DYNC2H1: variants seen among roughly 807,000 people sequenced by gnomAD.
The protein encoded by DYNC2H1 is dynein cytoplasmic 2 heavy chain 1, also known as cytoplasmic dynein 2 heavy chain 1.
Under a neutral mutation model 570.0 loss-of-function variants are expected in DYNC2H1, and 410 were observed. The observed-to-expected ratio is 0.72, with a 90% CI of 0.66 to 0.78. DYNC2H1 has a LOEUF of 0.78. Among genes scored for constraint, DYNC2H1 ranks in the 30% least tolerant of loss-of-function variants. The probability of loss-of-function intolerance (pLI) is 0.00; values close to 1 mark genes in which losing one functional copy is unlikely to be tolerated. For synonymous variants in DYNC2H1, 1,688 were observed against 1,677.6 expected (o/e 1.01, Z -0.15); for missense variants, 4,865 against 5,046.4 (o/e 0.96, Z 1.09).
intron 82 of DYNC2H1, among the ~76,000 whole-genome samples, chr11:103,351,447 A>C (rs897924144): frequency 6.6e-6 from 1 of 152,194 alleles, no homozygotes; most frequent in African/African-American, 2.4e-5. Context: ...TTACATTGCA[A>C]AGGATGTGAT....
intron 84 of DYNC2H1, chr11:103,402,427 A>G (rs1236757555): frequency 1.3e-5 from 2 of 152,112 alleles, no homozygotes; most frequent in East Asian, 3.9e-4. Context: ...TCATTGGTAT[A>G]CAGTTAGTGT....
intron 61 of DYNC2H1, 65 bp downstream of exon 61, chr11:103,234,225 T>C (rs1864134808): frequency 6.7e-7 from 1 of 1,487,212 alleles, no homozygotes; most frequent in Non-Finnish European, 9.0e-7. Context: ...TAATGTAATG[T>C]ATGTTAAGAA....
Position 103,422,537 on chromosome 11 carries a change from A to G in DYNC2H1, c.12367-13406A>G, listed in dbSNP as rs552234094. Among the ~76,000 whole-genome samples, 13 of 152,298 alleles carry G rather than the reference A, an allele frequency of 8.5e-5. 1 individual carries two copies. The highest frequency in any genetic ancestry group is 2.6e-4 in the African/African-American group (11 of 41,574). ...CTGGGATGCAAGGTTTGTTCAACAT[A>G]TGCGAATCAATAGATGTGTTTCATT... On this transcript the variant is annotated intron_variant, in intron 84 of 88. Transcript: ENST00000375735.
At chr11:103,378,578 T>A (rs907753299) in intron 83 of DYNC2H1, among the ~76,000 whole-genome samples, 9 of 152,230 alleles carry the variant, frequency 5.9e-5, no homozygotes, top group Non-Finnish European at 1.0e-4. Flanking sequence ...AGAGATTGCT[T>A]ATAATGCTTA....
At position 103,189,945 on chromosome 11, in the gene DYNC2H1, G is replaced by C. The variant is rs1037183514; in HGVS notation, c.7437+129G>C. The C allele has an allele frequency of 4.5e-5, 42 of 939,984 alleles. No homozygotes were observed. The highest frequency in any genetic ancestry group is 6.3e-5 in the Non-Finnish European group (41 of 646,900). The allele number at this position is 939,984 out of a possible 1,614,324, so 58.2% of individuals were successfully genotyped here. ...GTTTATTAGACTTTTCTAGTAGAGA[G>C]TAACTGTGAAGACAGGTGCTGTGTG... On this transcript the variant is annotated intron_variant, in intron 45 of 88. Coordinates refer to ENST00000375735, the MANE Select transcript of DYNC2H1 (RefSeq NM_001377.3). The surrounding 1 kb of genome is among the most constrained non-coding windows in gnomAD (Gnocchi z 4.3).
rs977087651 is a variant in DYNC2H1 at position 103,170,057 on chromosome 11, T to C, written c.4969-51T>C. On this transcript the variant is annotated intron_variant, in intron 32 of 88. Transcript: ENST00000375735. The surrounding 1 kb of genome is among the most constrained non-coding windows in gnomAD (Gnocchi z 4.8). The stretch of plus-strand genomic sequence containing the variant: ...CAATCTCATGCTGTAAAAATATTTG[T>C]AAATGTTGAATAGAACATGAATACT... 7 of 1,406,700 alleles carry C rather than the reference T, an allele frequency of 5.0e-6. No individual in the cohort carries two copies. The African/African-American group carries it at 5.9e-5, about 12-fold the overall frequency. The allele number at this position is 1,406,700 out of a possible 1,614,324, so 87.1% of individuals were successfully genotyped here.
In DYNC2H1 at chr11:103,280,518, A is replaced by G; in HGVS notation, c.10761+105A>G. 1.0e-6 allele frequency: 1 copy of G among 1,003,660 alleles called. No individual in the cohort carries two copies. Among genetic ancestry groups the G allele is most frequent in the Admixed American group, 2.1e-5 (1 of 47,280 alleles). The allele number at this position is 1,003,660 out of a possible 1,614,324, so 62.2% of individuals were successfully genotyped here. A position where few individuals can be genotyped will look rare whatever the true frequency, so the allele number is the denominator to read the frequency against. On this transcript the variant is annotated intron_variant, in intron 71 of 88. Transcript: ENST00000375735. The surrounding 1 kb of genome is among the most constrained non-coding windows in gnomAD (Gnocchi z 4.7). ...TATTTAGGCTAGAAATTATATATCA[A>G]CCTATTAATCTTTTACTAAGTTAGA...
intron 87 of DYNC2H1, among the ~76,000 whole-genome samples, chr11:103,462,695 G>GAT (rs1159042218): frequency 2.0e-5 from 3 of 152,290 alleles, no homozygotes; most frequent in East Asian, 3.9e-4. Flanking sequence ...AGATGCTGTT[G>GAT]ATAGTTTCCA....
intron 19 of DYNC2H1, 115 bp from the exon 20 acceptor site, chr11:103,148,375 C>A: frequency 9.5e-7 from 1 of 1,049,082 alleles, no homozygotes; most frequent in East Asian, 3.1e-5. Context: ...TAATTTAGAA[C>A]TTATTGTATT....
At chr11:103,460,088 A>G (rs1043191749) in intron 87 of DYNC2H1, among the ~76,000 whole-genome samples, 1 of 152,000 alleles carries the variant, frequency 6.6e-6, no homozygotes, top group South Asian at 2.1e-4. Context: ...TCCTGGGCTC[A>G]AGCAATCCTC....
chr11:103,141,517 AG>A (rs1859928917), intron 17 of DYNC2H1, among the ~76,000 whole-genome samples: 10 of 152,182 alleles, frequency 6.6e-5, no homozygotes, highest in Admixed American at 4.6e-4. Context: ...ACAGAACAGC[AG>A]ATTTTCGTGA....
intron 82 of DYNC2H1, among the ~76,000 whole-genome samples, chr11:103,347,758 T>C (rs1228801742): frequency 6.6e-6 from 1 of 152,190 alleles, no homozygotes; most frequent in African/African-American, 2.4e-5. Context: ...CTATTAGCAC[T>C]TTTCTCCAAA....
intron 82 of DYNC2H1, among the ~76,000 whole-genome samples, chr11:103,354,187 A>C (rs1334073438): frequency 2.7e-5 from 4 of 150,848 alleles, no homozygotes; most frequent in East Asian, 3.9e-4. Flanking sequence ...AAAACAAAAA[A>C]AAAAAAAAAA....
chr11:103,243,345 A>T lies in DYNC2H1; in HGVS notation c.9820-348A>T, dbSNP rs2135224764. Among the ~76,000 whole-genome samples, 1 of 152,282 alleles carries T rather than the reference A, an allele frequency of 6.6e-6. No homozygotes were observed. Among genetic ancestry groups the T allele is most frequent in the Middle Eastern group, 3.4e-3 (1 of 294 alleles). On this transcript the variant is annotated intron_variant, in intron 63 of 88. Transcript: ENST00000375735. This position sits in a 1 kb window ranked among gnomAD's most constrained non-coding sequence, Gnocchi z 4.8. ...TTTGACTGTGTATTATAAAAGCCAA[A>T]AAGAATGCTGCAAATGACATCAGCT...
At chr11:103,288,890 AAAAAAAG>A (rs1866471154) in intron 75 of DYNC2H1, among the ~76,000 whole-genome samples, 1 of 150,312 alleles carries the variant, frequency 6.7e-6, no homozygotes. Context: ...CAAAAAAAAA[AAAAAAAG>A]AAAGAAAATT....
intron 83 of DYNC2H1, among the ~76,000 whole-genome samples, chr11:103,390,589 G>T (rs561996532): frequency 6.6e-6 from 1 of 152,168 alleles, no homozygotes; most frequent in Non-Finnish European, 1.5e-5. Context: ...CTTCTTCCTA[G>T]CCTTGATGGG....
At chr11:103,332,315 A>G (rs1426191444) in intron 82 of DYNC2H1, among the ~76,000 whole-genome samples, 11 of 78,152 alleles carry the variant, frequency 1.4e-4, no homozygotes, top group African/African-American at 4.1e-4. Flanking sequence ...AAACTGGGAA[A>G]AAAAAAAAAA....
intron 83 of DYNC2H1, among the ~76,000 whole-genome samples, chr11:103,373,541 A>C (rs1941265479): frequency 6.6e-6 from 1 of 152,092 alleles, no homozygotes; most frequent in South Asian, 2.1e-4. Context: ...GTTTTATATG[A>C]TTGTGGCCAT....
intron 85 of DYNC2H1, among the ~76,000 whole-genome samples, chr11:103,453,506 TTA>T (rs564461904): frequency 1.3e-3 from 200 of 151,752 alleles, no homozygotes; most frequent in African/African-American, 4.5e-3. Flanking sequence ...GCTTAACAAG[TTA>T]TTTTTTCCAT....
Sources: allele counts gnomAD v4.1 joint callset (sites outside exome capture counted in the v4.1 genomes callset), GRCh38; gene constraint gnomAD v4.1.1; non-coding constraint Gnocchi (gnomAD v3.1); transcripts MANE v1.5; gene names NCBI Gene and HGNC (gene_info 2026-07-23, HGNC 2026-07-21).